PRPF18: variants seen among roughly 807,000 people sequenced by gnomAD.
PRPF18 encodes the protein pre-mRNA processing factor 18, also known as pre-mRNA-splicing factor 18.
Under a neutral mutation model 46.5 loss-of-function variants are expected in PRPF18, and 38 were observed. That is an observed-to-expected ratio of 0.82 (90% confidence interval 0.63 to 1.07). The LOEUF is 1.07. Ranked by LOEUF, PRPF18 falls within the 50% of genes least tolerant of loss-of-function variation. The probability of loss-of-function intolerance (pLI) is 0.00; values close to 1 mark genes in which losing one functional copy is unlikely to be tolerated. For missense variants in PRPF18, 263 were observed against 410.0 expected (o/e 0.64, Z 3.10); for synonymous variants, 152 against 146.7 (o/e 1.04, Z -0.26).
At chr10:13,635,087 C>T (rs544077564), downstream of PRPF18, among the ~76,000 whole-genome samples, 13 of 152,248 alleles carry the variant, frequency 8.5e-5, no homozygotes, top group South Asian at 2.7e-3. Context: ...TGTGTTGTTA[C>T]CCCTGTGTGT....
downstream of PRPF18, among the ~76,000 whole-genome samples, chr10:13,633,037 A>G (rs572704159): frequency 2.6e-5 from 4 of 152,360 alleles, no homozygotes; most frequent in South Asian, 8.3e-4. Flanking sequence ...CTGCAAAGAC[A>G]GAGCAGTATT....
At position 13,603,838 on chromosome 10, in the gene PRPF18, G is replaced by T. The variant is rs369010472; in HGVS notation, c.250-1793G>T. Among the ~76,000 whole-genome samples, 69 of 152,324 alleles carry T rather than the reference G, an allele frequency of 4.5e-4. No homozygotes were observed. In the South Asian group the frequency reaches 0.012, roughly 26 times the overall value. On this transcript the variant is annotated intron_variant, in intron 3 of 9. Coordinates refer to ENST00000378572, the MANE Select transcript of PRPF18 (RefSeq NM_003675.4). Reference sequence around the variant, plus strand: ...GGAAATTTTCAGGGGAATGGTGACTGACTCTAGAAACCATCATATGAAGAT... The same window carrying T: ...GGAAATTTTCAGGGGAATGGTGACTTACTCTAGAAACCATCATATGAAGAT...
At chr10:13,612,312 G>A (rs989317255) in intron 6 of PRPF18, among the ~76,000 whole-genome samples, 2 of 151,960 alleles carry the variant, frequency 1.3e-5, no homozygotes, top group South Asian at 2.1e-4. Flanking sequence ...TTGCTCTGTC[G>A]CCCAGGCTGG....
chr10:13,647,771 C>T, the PRPF18 span: 1 of 147,092 alleles, frequency 6.8e-6, no homozygotes, highest in Non-Finnish European at 1.5e-5. Context: ...GAGGTATCAC[C>T]ATTTAGGTTG....
At chr10:13,643,263 GAGACTAA>G in the PRPF18 span, 1 of 152,192 alleles carries the variant, frequency 6.6e-6, no homozygotes, top group Admixed American at 6.5e-5. Context: ...ACAACATGGA[GAGACTAA>G]AGACGATCCC....
At chr10:13,612,550 C>A (rs143401082) in intron 6 of PRPF18, among the ~76,000 whole-genome samples, 1 of 151,468 alleles carries the variant, frequency 6.6e-6, no homozygotes, top group African/African-American at 2.4e-5. Context: ...CTCCCAAAAT[C>A]CTGGGATTAT....
downstream of PRPF18, among the ~76,000 whole-genome samples, chr10:13,632,350 G>A (rs1382028011): frequency 2.0e-5 from 3 of 151,120 alleles, no homozygotes; most frequent in Non-Finnish European, 2.9e-5. Flanking sequence ...CCTCCCCCCC[G>A]CAAAAAAAAA....
Position 13,626,803 on chromosome 10 carries a change from A to ATTT in PRPF18, c.949-3447_949-3445dup, listed in dbSNP as rs56355221. 6.0e-4 allele frequency among the ~76,000 whole-genome samples: 90 copies of ATTT among 149,784 alleles called. No individual in the cohort carries two copies. In the East Asian group the frequency reaches 9.8e-3, roughly 16 times the overall value. On this transcript the variant is annotated intron_variant, in intron 9 of 9. Coordinates refer to ENST00000378572, the MANE Select transcript of PRPF18 (RefSeq NM_003675.4). ...TATTATTTGATACAAGAATCGTGTG[A>ATTT]TTTTTTTTTTTTCCCCTCAAACAGT... is the stretch of plus-strand genomic sequence containing the variant.
chr10:13,613,769 T>A lies in PRPF18; in HGVS notation c.608T>A (p.Leu203Ter). 1 of 1,613,784 alleles carries A rather than the reference T, an allele frequency of 6.2e-7. No homozygotes were observed. The highest frequency in any genetic ancestry group is 8.5e-7 in the Non-Finnish European group (1 of 1,179,966). ...CTTCTTGGCGTTTGGGCTAAAGAATTGAATGCCAGAGAAGATTATGTGAAA... is the reference window on the plus strand; with the variant it reads ...CTTCTTGGCGTTTGGGCTAAAGAATAGAATGCCAGAGAAGATTATGTGAAA... ...KFLLGVWAKE[L>*]NAREDYVKRS... The change falls in exon 7 of 10, where the codon TTG becomes TAG. Residue 203 changes from leucine to a stop codon, truncating the protein, a stop_gained. Coordinates refer to ENST00000378572, the MANE Select transcript of PRPF18 (RefSeq NM_003675.4). LOFTEE classifies it high-confidence loss of function.
At chr10:13,635,726 C>T (rs2080631849), downstream of PRPF18, among the ~76,000 whole-genome samples, 1 of 151,988 alleles carries the variant, frequency 6.6e-6, no homozygotes. Context: ...TGTCCTTTGC[C>T]CACTTTTTAA....
chr10:13,615,916 G>A (rs1324843562), intron 8 of PRPF18, among the ~76,000 whole-genome samples: 1 of 152,136 alleles, frequency 6.6e-6, no homozygotes, highest in Non-Finnish European at 1.5e-5. Context: ...GGCACATACT[G>A]AGCCCCCACT....
chr10:13,623,213 A>C (rs2080445849), intron 9 of PRPF18, among the ~76,000 whole-genome samples: 1 of 152,174 alleles, frequency 6.6e-6, no homozygotes, highest in African/African-American at 2.4e-5. Flanking sequence ...AAAAAGAAAA[A>C]AAAAAAAGTT....
chr10:13,605,213 G>A (rs1037031784), intron 3 of PRPF18, among the ~76,000 whole-genome samples: 3 of 152,178 alleles, frequency 2.0e-5, no homozygotes, highest in Non-Finnish European at 2.9e-5. Flanking sequence ...TGGATAATTA[G>A]CTTTTATTAA....
chr10:13,605,305 TG>T (rs1401461294), intron 3 of PRPF18, among the ~76,000 whole-genome samples: 1 of 152,156 alleles, frequency 6.6e-6, no homozygotes, highest in East Asian at 1.9e-4. Context: ...GTTTAATAGC[TG>T]GGCACATTAG....
intron 1 of PRPF18, chr10:13,591,867 G>T (rs2079967064): frequency 2.1e-6 from 3 of 1,423,836 alleles, no homozygotes; most frequent in Admixed American, 3.7e-5. Flanking sequence ...ATCCAGTGAG[G>T]ATGATCAGAA....
chr10:13,637,647 G>T, the PRPF18 span, among the ~76,000 whole-genome samples: 2 of 152,074 alleles, frequency 1.3e-5, no homozygotes, highest in Admixed American at 6.5e-5. Context: ...TTTATGCATT[G>T]GAGAAATAAT....
At chr10:13,627,008 CT>C (rs1323018867) in intron 9 of PRPF18, among the ~76,000 whole-genome samples, 1 of 152,122 alleles carries the variant, frequency 6.6e-6, no homozygotes, top group African/African-American at 2.4e-5. Context: ...ATTCCAGTGT[CT>C]TCTCTCTGGT....
intron 2 of PRPF18, among the ~76,000 whole-genome samples, chr10:13,599,132 A>C (rs555214877): frequency 8.5e-5 from 13 of 152,292 alleles, no homozygotes; most frequent in Non-Finnish European, 1.6e-4. Flanking sequence ...TTTCTTTCTA[A>C]AGATTTTTAA....
At chr10:13,616,264 C>A in intron 8 of PRPF18, 134 bp from the exon 9 acceptor site, 1 of 858,754 alleles carries the variant, frequency 1.2e-6, no homozygotes. Flanking sequence ...GAATAACAGT[C>A]ATGGTAATAT....
Sources: allele counts gnomAD v4.1 joint callset (sites outside exome capture counted in the v4.1 genomes callset), GRCh38; gene constraint gnomAD v4.1.1; transcripts MANE v1.5; gene names NCBI Gene and HGNC (gene_info 2026-07-23, HGNC 2026-07-21).